DMD: variants seen among roughly 807,000 people sequenced by gnomAD.
DMD encodes the protein dystrophin, also known as mutant dystrophin.
DMD carries 63 observed loss-of-function variants against 330.1 expected under a neutral mutation model. The observed-to-expected ratio is 0.19, with a 90% CI of 0.16 to 0.24. The LOEUF (loss-of-function observed/expected upper bound fraction) is 0.24. DMD is among the 10% of genes least tolerant of loss of function. DMD has a pLI of 1.00. For missense variants in DMD, 3,344 were observed against 2,684.1 expected (o/e 1.25, Z -5.43); for synonymous variants, 1,223 against 959.8 (o/e 1.27, Z -5.07).
intron 7 of DMD, among the ~76,000 whole-genome samples, chrX:32,724,328 A>G (rs993414791): frequency 2.7e-5 from 3 of 111,838 alleles, no homozygotes; most frequent in Non-Finnish European, 3.8e-5. Flanking sequence ...TTCTTCAAAT[A>G]AATTTCTGTT....
rs1210683297 is a variant in DMD, at chrX:32,517,008, T to C, written c.2292+1000A>G. ...TCCCTTTTTCAAGCAGCCTAAAAAA[T>C]AGATTTTTTTTCCAGAATATATATA... On this transcript the variant is annotated intron_variant, in intron 18 of 78. Transcript: ENST00000357033. 6.3e-5 allele frequency: 7 copies of C among 111,378 alleles called. No individual in the cohort carries two copies. In the Admixed American group the frequency reaches 6.7e-4, roughly 11 times the overall value. The allele number at this position is 111,378 out of a possible 1,213,427, so 9.2% of individuals were successfully genotyped here.
At chrX:32,529,078 C>G (rs921970195) in intron 17 of DMD, among the ~76,000 whole-genome samples, 1 of 106,654 alleles carries the variant, frequency 9.4e-6, no homozygotes, top group African/African-American at 3.4e-5. Flanking sequence ...CCTGCCGCCA[C>G]GTCTGGCTAA....
chrX:31,514,487 C>A (rs1318618008), intron 55 of DMD, among the ~76,000 whole-genome samples: 1 of 111,695 alleles, frequency 9.0e-6, no homozygotes, highest in Non-Finnish European at 1.9e-5. Flanking sequence ...TGGCAAAGTG[C>A]AGTTAAATAG....
chrX:32,518,491 T>A (rs1465837380), intron 17 of DMD, among the ~76,000 whole-genome samples: 1 of 109,012 alleles, frequency 9.2e-6, no homozygotes, highest in African/African-American at 3.4e-5. Flanking sequence ...AAAAAAAAAA[T>A]TCCTGTTGGT....
intron 2 of DMD, among the ~76,000 whole-genome samples, chrX:32,870,981 A>AAAAAAAAAAAAAAAAAAAAAG (rs1569537090): frequency 2.4e-5 from 2 of 82,578 alleles, no homozygotes; most frequent in East Asian, 3.9e-4. Flanking sequence ...AAAAAAAAAA[A>AAAAAAAAAAAAAAAAAAAAAG]AAAAAAACCA....
chrX:32,985,033 A>G (rs1440119568), intron 2 of DMD, among the ~76,000 whole-genome samples: 1 of 112,362 alleles, frequency 8.9e-6, no homozygotes, highest in Non-Finnish European at 1.9e-5. Flanking sequence ...TAGGGCAACT[A>G]ATTCTGAAAA....
At chrX:31,378,393 G>T (rs1332318848) in intron 60 of DMD, among the ~76,000 whole-genome samples, 1 of 110,766 alleles carries the variant, frequency 9.0e-6, no homozygotes, top group African/African-American at 3.3e-5. Flanking sequence ...CAATCTTGGC[G>T]CCCCACTTCA....
rs997351251 is a variant in DMD at position 33,146,698 on chromosome X, A to G, written c.31+64584T>C. Among the ~76,000 whole-genome samples, 4 of 112,044 alleles carry G rather than the reference A, an allele frequency of 3.6e-5. No individual in the cohort carries two copies. The East Asian group carries it at 1.1e-3, about 31-fold the overall frequency. ...GGACGTGCTCACAGTCGCCCCTATG[A>G]GGGGTATTTGGATGCAGATAATTAA... On this transcript the variant is annotated intron_variant, in intron 1 of 78. Coordinates refer to ENST00000357033, the MANE Select transcript of DMD (RefSeq NM_004006.3).
At chrX:32,859,401 G>A (rs1159659867) in intron 2 of DMD, among the ~76,000 whole-genome samples, 5 of 108,093 alleles carry the variant, frequency 4.6e-5, no homozygotes, top group Non-Finnish European at 9.6e-5. Context: ...TAGGAAGGTG[G>A]AGGTTGCAGT....
At chrX:32,731,761 G>T (rs545306851) in intron 7 of DMD, among the ~76,000 whole-genome samples, 4 of 112,143 alleles carry the variant, frequency 3.6e-5, no homozygotes, top group Admixed American at 9.4e-5. Flanking sequence ...AACCCATCTG[G>T]ACGTCACCAT....
chrX:32,034,813 A>T (rs1429572669), intron 44 of DMD, among the ~76,000 whole-genome samples: 1 of 111,889 alleles, frequency 8.9e-6, no homozygotes, highest in Non-Finnish European at 1.9e-5. Context: ...TATGTACGCT[A>T]TTTTCACCAA....
chrX:32,223,931 A>G (rs1005325848), intron 43 of DMD, among the ~76,000 whole-genome samples: 8 of 111,801 alleles, frequency 7.2e-5, no homozygotes. Context: ...TTAGTTATTT[A>G]CTATAAAGTG....
intron 24 of DMD, 42 bp downstream of exon 24, chrX:32,464,544 T>C (rs924150554): frequency 1.0e-6 from 1 of 993,831 alleles, no homozygotes; most frequent in Non-Finnish European, 1.4e-6. Flanking sequence ...ATAATATTCA[T>C]ACAAAATTAT....
At chrX:32,003,221 T>G (rs767941955) in intron 44 of DMD, among the ~76,000 whole-genome samples, 1 of 112,265 alleles carries the variant, frequency 8.9e-6, no homozygotes, top group African/African-American at 3.2e-5. Context: ...TTGAACTGCA[T>G]GACACCTAAT....
intron 1 of DMD, among the ~76,000 whole-genome samples, chrX:33,135,448 C>G (rs1159177991): frequency 3.6e-5 from 4 of 112,002 alleles, no homozygotes; most frequent in Non-Finnish European, 1.9e-5. Context: ...TAGAAGCAAA[C>G]TAAATATTCA....
intron 55 of DMD, among the ~76,000 whole-genome samples, chrX:31,567,201 T>C (rs1569551836): frequency 8.9e-6 from 1 of 111,855 alleles, no homozygotes; most frequent in Non-Finnish European, 1.9e-5. Context: ...ATATGCATGC[T>C]TTATTGTTTT....
chrX:31,142,823 C>T (rs1414397060), intron 76 of DMD, among the ~76,000 whole-genome samples: 1 of 111,870 alleles, frequency 8.9e-6, no homozygotes, highest in Non-Finnish European at 1.9e-5. Flanking sequence ...ATGTACGTTT[C>T]ATTAGCACAT....
intron 67 of DMD, among the ~76,000 whole-genome samples, chrX:31,199,591 T>C (rs1381870643): frequency 8.9e-6 from 1 of 111,940 alleles, no homozygotes; most frequent in Non-Finnish European, 1.9e-5. Flanking sequence ...AGAAAACCTT[T>C]AATAGATAAT....
intron 59 of DMD, among the ~76,000 whole-genome samples, chrX:31,465,873 T>G (rs1398713030): frequency 1.8e-5 from 2 of 112,057 alleles, no homozygotes; most frequent in Admixed American, 1.9e-4. Flanking sequence ...ACCTGATGTT[T>G]CCTGACTTTT....
Sources: allele counts gnomAD v4.1 joint callset (sites outside exome capture counted in the v4.1 genomes callset), GRCh38; gene constraint gnomAD v4.1.1; transcripts MANE v1.5; gene names NCBI Gene and HGNC (gene_info 2026-07-23, HGNC 2026-07-21).